Variants in ZNF532 observed in about 807,000 individuals in gnomAD.
ZNF532 encodes the protein zinc finger protein 532.
Under a neutral mutation model 89.3 loss-of-function variants are expected in ZNF532, and 22 were observed. The ratio of observed to expected loss-of-function variants is 0.25; its 90% CI spans 0.18 to 0.35. The LOEUF (loss-of-function observed/expected upper bound fraction) is 0.35. ZNF532 is among the 10% of genes least tolerant of loss of function. The pLI, the probability that ZNF532 is intolerant of heterozygous loss-of-function variation, is 1.00. For synonymous variants in ZNF532, 606 were observed against 649.6 expected (o/e 0.93, Z 1.02); for missense variants, 1,132 against 1,643.4 (o/e 0.69, Z 5.38).
chr18:58,868,272 G>A (rs2056659949), intron 2 of ZNF532, among the ~76,000 whole-genome samples: 2 of 152,132 alleles, frequency 1.3e-5, no homozygotes, highest in Admixed American at 1.3e-4. Flanking sequence ...ACACCTTCGT[G>A]TTCATTTTAT....
intron 4 of ZNF532, among the ~76,000 whole-genome samples, chr18:58,938,470 ATAAAG>A (rs2062659570): frequency 1.3e-5 from 2 of 152,390 alleles, no homozygotes; most frequent in South Asian, 4.1e-4. Flanking sequence ...CTAGAAATTC[ATAAAG>A]TAAGGAGGTT....
chr18:58,937,395 C>T (rs1340593626), intron 4 of ZNF532, among the ~76,000 whole-genome samples: 3 of 152,196 alleles, frequency 2.0e-5, no homozygotes, highest in Admixed American at 1.3e-4. Context: ...TCGTTTCTTA[C>T]ATTAAGGAGG....
chr18:58,964,579 G>A (rs865964112), intron 7 of ZNF532, among the ~76,000 whole-genome samples: 1 of 126,076 alleles, frequency 7.9e-6, no homozygotes, highest in Non-Finnish European at 1.7e-5. Flanking sequence ...GTGTGTGTGT[G>A]TATACACAGT....
intron 6 of ZNF532, among the ~76,000 whole-genome samples, chr18:58,952,446 C>G (rs1443296890): frequency 6.6e-6 from 1 of 151,896 alleles, no homozygotes; most frequent in Non-Finnish European, 1.5e-5. Context: ...GCTCTGTTGC[C>G]CAGGCTAGAG....
At chr18:58,892,962 C>A in intron 2 of ZNF532, among the ~76,000 whole-genome samples, 1 of 150,962 alleles carries the variant, frequency 6.6e-6, no homozygotes, top group African/African-American at 2.4e-5. Context: ...ATCAACTCAG[C>A]AATTTCTGAT....
rs1211907724 is a variant in ZNF532 at position 58,872,785 on chromosome 18, C to T, written c.-18+7206C>T. Among the ~76,000 whole-genome samples, 6 of 151,902 alleles carry T rather than the reference C, an allele frequency of 3.9e-5. 1 individual carries two copies. Among genetic ancestry groups the T allele is most frequent in the Admixed American group, 6.6e-5 (1 of 15,260 alleles). On this transcript the variant is annotated intron_variant, in intron 2 of 9. Transcript: ENST00000591808. ...CGTGATCTCGGCTCACTGCAACCTC[C>T]GCCTTCCGGGTTCAAGCGATCCTCC... is the stretch of plus-strand genomic sequence containing the variant.
rs373221899 is a variant in ZNF532 at position 58,984,463 on chromosome 18, A to G, written c.3903A>G (p.Lys1301=). The change falls in exon 10 of 10, where the codon AAA becomes AAG. Residue 1301 remains lysine, a synonymous_variant. Coordinates refer to ENST00000591808, the MANE Select transcript of ZNF532 (RefSeq NM_001375912.1). Reference sequence around the variant, plus strand: ...CCAAAAGGATGAGCTCAGCCGAGAAATAGCCACAGATGCTCCATGAGGAAA... The same window carrying G: ...CCAAAAGGATGAGCTCAGCCGAGAAGTAGCCACAGATGCTCCATGAGGAAA... ...IKSKRMSSAE[K] 2 of 1,605,954 alleles carry G rather than the reference A, an allele frequency of 1.2e-6. No homozygotes were observed. Among genetic ancestry groups the G allele is most frequent in the Non-Finnish European group, 1.7e-6 (2 of 1,175,248 alleles).
At position 58,978,858 on chromosome 18, in the gene ZNF532, G is replaced by A. The variant is rs917570186; in HGVS notation, c.3151-197G>A. ...TTTTATAAAATAATTTTAATTTTGTGCATGACACAGTTCTGACTGTGACCC... is the reference window on the plus strand; with the variant it reads ...TTTTATAAAATAATTTTAATTTTGTACATGACACAGTTCTGACTGTGACCC... On this transcript the variant is annotated intron_variant, in intron 7 of 9. Transcript: ENST00000591808. Among the ~76,000 whole-genome samples, 5 of 152,110 alleles carry A rather than the reference G, an allele frequency of 3.3e-5. No individual in the cohort carries two copies. The East Asian group carries it at 9.6e-4, about 29-fold the overall frequency.
At chr18:58,966,738 G>GTTTTGTTTTTTTTTT (rs2065949156) in intron 7 of ZNF532, among the ~76,000 whole-genome samples, 1 of 125,994 alleles carries the variant, frequency 7.9e-6, no homozygotes. Flanking sequence ...ATTTTTTTGT[G>GTTTTGTTTTTTTTTT]TTTTTTTTTT....
In ZNF532 at chr18:58,894,323, C is replaced by T. The variant is rs544986668; in HGVS notation, c.-17-23948C>T. The stretch of plus-strand genomic sequence containing the variant: ...CTACTGAAAATACAAAAAAGTTAGC[C>T]GGGTGTGGTGGTATGCACCTGCAAT... On this transcript the variant is annotated intron_variant, in intron 2 of 9. Coordinates refer to ENST00000591808, the MANE Select transcript of ZNF532 (RefSeq NM_001375912.1). Among the ~76,000 whole-genome samples the T allele has an allele frequency of 3.3e-5, 5 of 151,918 alleles. No individual in the cohort carries two copies. In the East Asian group the frequency reaches 5.8e-4, roughly 18 times the overall value.
intron 5 of ZNF532, among the ~76,000 whole-genome samples, chr18:58,941,986 C>CCTTCCCTCCTTCCCTT (rs2063112728): frequency 1.5e-5 from 2 of 132,764 alleles, no homozygotes; most frequent in African/African-American, 5.6e-5. Flanking sequence ...CTCCTTCCCT[C>CCTTCCCTCCTTCCCTT]CTTCCCTTCC....
At chr18:58,983,378 C>T (rs545473774) in intron 9 of ZNF532, among the ~76,000 whole-genome samples, 4 of 152,102 alleles carry the variant, frequency 2.6e-5, no homozygotes, top group South Asian at 2.1e-4. Flanking sequence ...CCACAAGGGG[C>T]GTTACAGTTC....
At chr18:58,978,632 TA>T (rs1191052981) in intron 7 of ZNF532, among the ~76,000 whole-genome samples, 1 of 152,190 alleles carries the variant, frequency 6.6e-6, no homozygotes, top group African/African-American at 2.4e-5. Context: ...TATATATTTT[TA>T]AAAAGTTTTT....
At chr18:58,892,101 ATTATT>A (rs1269529937) in intron 2 of ZNF532, among the ~76,000 whole-genome samples, 1 of 152,114 alleles carries the variant, frequency 6.6e-6, no homozygotes, top group African/African-American at 2.4e-5. Context: ...GCATGAGTAA[ATTATT>A]TTAATGTCTC....
At chr18:58,903,319 G>A (rs1238937397) in intron 2 of ZNF532, among the ~76,000 whole-genome samples, 1 of 152,224 alleles carries the variant, frequency 6.6e-6, no homozygotes, top group African/African-American at 2.4e-5. Context: ...ACGCGGAACC[G>A]CAGCAGCTCA....
In ZNF532 at chr18:58,868,039, C is replaced by T. The variant is rs553506117; in HGVS notation, c.-18+2460C>T. ...GTGTTCTCCCATCTCCCATTTATTTCTTCTCTTGAAATGTTCTCTTGGACT... is the reference window on the plus strand; with the variant it reads ...GTGTTCTCCCATCTCCCATTTATTTTTTCTCTTGAAATGTTCTCTTGGACT... On this transcript the variant is annotated intron_variant, in intron 2 of 9. Coordinates refer to ENST00000591808, the MANE Select transcript of ZNF532 (RefSeq NM_001375912.1). 6.3e-3 allele frequency among the ~76,000 whole-genome samples: 955 copies of T among 152,310 alleles called. 7 individuals carry two copies. Among genetic ancestry groups the T allele is most frequent in the Middle Eastern group, 0.02 (6 of 294 alleles).
Position 58,919,587 on chromosome 18 carries a change from T to A in ZNF532, c.1300T>A (p.Ser434Thr). 6.2e-7 allele frequency: 1 copy of A among 1,614,014 alleles called. No homozygotes were observed. Among genetic ancestry groups the A allele is most frequent in the East Asian group, 2.2e-5 (1 of 44,890 alleles). ...LQSAVVTNAVSPAELTPKQVT... is the reference protein window; with the variant it reads ...LQSAVVTNAVTPAELTPKQVT... The stretch of plus-strand genomic sequence containing the variant: ...GTCTGCGGTCGTGACCAATGCAGTT[T>A]CCCCTGCAGAGCTCACCCCCAAACA... Residue 434 changes from serine to threonine, a missense_variant, in exon 3 of 10, where the codon TCC becomes ACC. Physicochemically the swap from Ser to Thr is moderately conservative, Grantham distance 58. This residue lies in a region of ZNF532 where 124 missense variants were observed against 191.6 expected (regional missense o/e 0.65). Transcript: ENST00000591808. This position sits in a 1 kb window ranked among gnomAD's most constrained non-coding sequence, Gnocchi z 6.1.
At chr18:58,974,141 AT>A (rs888172144) in intron 7 of ZNF532, among the ~76,000 whole-genome samples, 1 of 152,048 alleles carries the variant, frequency 6.6e-6, no homozygotes, top group East Asian at 1.9e-4. Context: ...TTGCGGTAAA[AT>A]TTTTTTTGGA....
intron 6 of ZNF532, among the ~76,000 whole-genome samples, chr18:58,948,710 G>A (rs2063886080): frequency 6.6e-6 from 1 of 151,882 alleles, no homozygotes; most frequent in Non-Finnish European, 1.5e-5. Flanking sequence ...TGGGATTACA[G>A]GCGTGTACCA....
Sources: gnomAD v4.1 joint callset for allele counts (sites outside exome capture counted in the v4.1 genomes callset) on GRCh38, gnomAD v4.1.1 for gene constraint, gnomAD v4.1.1 regional missense constraint, Gnocchi (gnomAD v3.1) non-coding constraint, MANE v1.5 for transcripts, NCBI Gene and HGNC (gene_info 2026-07-23, HGNC 2026-07-21) for gene names.